The following FAHD1 variants were observed in gnomAD, a reference collection of about 807,000 sequenced individuals.
FAHD1 encodes FAH domain containing oxaloacetate decarboxylase 1.
A neutral mutation model predicts 12.7 loss-of-function variants in FAHD1; 14 were observed. That is an observed-to-expected ratio of 1.10 (90% CI 0.73 to 1.72). The LOEUF (loss-of-function observed/expected upper bound fraction) is 1.72. FAHD1 is among the 40% of genes most tolerant of loss of function. The probability of loss-of-function intolerance (pLI) is 0.00; values close to 1 mark genes in which losing one functional copy is unlikely to be tolerated. For missense variants in FAHD1, 351 were observed against 298.9 expected (o/e 1.17, Z -1.29); for synonymous variants, 153 against 124.9 (o/e 1.22, Z -1.50).
chr16:1,835,975 T>G (rs1898735149), intron 1 of FAHD1, among the ~76,000 whole-genome samples: 2 of 151,738 alleles, frequency 1.3e-5, no homozygotes, highest in African/African-American at 4.8e-5. Flanking sequence ...TTCTACTGCC[T>G]CAGCCTCCTG....
At chr16:1,828,465 A>G (rs1458141180) in exon 1 of FAHD1, 1 of 1,000,960 alleles carries the variant, frequency 1.0e-6, no homozygotes, top group Non-Finnish European at 1.2e-6. Flanking sequence ...TTCCTTTTGT[A>G]AAACTGGATT....
intron 1 of FAHD1, among the ~76,000 whole-genome samples, chr16:1,835,117 T>TG (rs1449523752): frequency 1.3e-5 from 2 of 151,994 alleles, no homozygotes; most frequent in African/African-American, 2.4e-5. Context: ...TAGCCAGGTG[T>TG]GGTGGTGCAC....
exon 3 of FAHD1, chr16:1,839,657 T>C: frequency 2.1e-6 from 1 of 470,506 alleles, no homozygotes; most frequent in Non-Finnish European, 3.8e-6. Context: ...ACACCAGTCC[T>C]CTGCCTGCCC....
At chr16:1,828,009 C>G (rs879758677) in exon 1 of FAHD1, 1 of 1,503,078 alleles carries the variant, frequency 6.7e-7, no homozygotes, top group Non-Finnish European at 8.9e-7. Flanking sequence ...TGGCCGGACG[C>G]GGTGGCTCAC....
chr16:1,836,767 C>T (rs549839073), intron 1 of FAHD1, among the ~76,000 whole-genome samples: 1 of 147,234 alleles, frequency 6.8e-6, no homozygotes, highest in African/African-American at 2.4e-5. Context: ...CATAATAACA[C>T]TAATTCTCTC....
intron 1 of FAHD1, chr16:1,834,246 A>G (rs1381762859): frequency 5.4e-6 from 8 of 1,488,528 alleles, no homozygotes; most frequent in Non-Finnish European, 7.5e-6. Flanking sequence ...GTTCAAAATG[A>G]TAGACCGTTT....
chr16:1,827,282 A>G (rs1466845241), exon 1 of FAHD1: 3 of 1,612,896 alleles, frequency 1.9e-6, no homozygotes, highest in East Asian at 4.5e-5. Context: ...GAGTGGGGAA[A>G]GAACATCGTC....
intron 2 of FAHD1, among the ~76,000 whole-genome samples, chr16:1,838,395 C>A (rs1596962601): frequency 6.6e-6 from 1 of 152,136 alleles, no homozygotes; most frequent in African/African-American, 2.4e-5. Flanking sequence ...AAAATCCCCT[C>A]AATAAAGTGG....
chr16:1,836,454 A>G (rs1484167664), intron 1 of FAHD1, among the ~76,000 whole-genome samples: 2 of 152,180 alleles, frequency 1.3e-5, no homozygotes, highest in African/African-American at 4.8e-5. Flanking sequence ...GAAAGTATAC[A>G]GGGTCGGTCA....
chr16:1,835,709 C>T (rs939379671), intron 1 of FAHD1, among the ~76,000 whole-genome samples: 2 of 152,126 alleles, frequency 1.3e-5, no homozygotes, highest in Non-Finnish European at 2.9e-5. Flanking sequence ...GACAGTGATT[C>T]GAATGACCCT....
chr16:1,837,196 CA>C (rs1436016001), intron 1 of FAHD1, among the ~76,000 whole-genome samples: 1 of 148,888 alleles, frequency 6.7e-6, no homozygotes, highest in African/African-American at 2.5e-5. Flanking sequence ...TGCAGGTTAG[CA>C]AATTTAATTA....
chr16:1,839,362 A>T (rs985183192), exon 3 of FAHD1: 15 of 1,614,234 alleles, frequency 9.3e-6, no homozygotes, highest in Non-Finnish European at 1.3e-5. Flanking sequence ...AGAAAGACAG[A>T]TTTAAAGTCC....
chr16:1,837,712 G>C lies in FAHD1; in HGVS notation c.628-304G>C. The C allele has an allele frequency of 7.6e-6, 6 of 788,334 alleles. No homozygotes were observed. The Admixed American group carries it at 1.9e-4, about 24-fold the overall frequency. 48.8% of individuals were successfully genotyped at this position (788,334 alleles called of 1,614,324 possible). A position where few individuals can be genotyped will look rare whatever the true frequency, so the allele number is the denominator to read the frequency against. Reference sequence around the variant, plus strand: ...AATAATAAATTCTCGAATTTATCTAGGTTTTTCTTATGGTTTGAATATACA... The same window carrying C: ...AATAATAAATTCTCGAATTTATCTACGTTTTTCTTATGGTTTGAATATACA... On this transcript the variant is annotated intron_variant, in intron 1 of 2. Coordinates refer to the FAHD1 transcript ENST00000382666.
chr16:1,834,332 T>C, intron 1 of FAHD1: 1 of 1,612,128 alleles, frequency 6.2e-7, no homozygotes, highest in African/African-American at 1.3e-5. Context: ...TACACTAATT[T>C]TCAATCCACT....
chr16:1,830,937 CACACACA>C (rs1567269164), downstream of FAHD1, among the ~76,000 whole-genome samples: 3 of 116,520 alleles, frequency 2.6e-5, no homozygotes, highest in African/African-American at 2.8e-5. Context: ...CACACACACA[CACACACA>C]CCCATATTTT....
exon 3 of FAHD1, chr16:1,839,540 G>C: frequency 1.8e-6 from 2 of 1,103,590 alleles, no homozygotes; most frequent in South Asian, 3.2e-5. Context: ...GACAGTGTGT[G>C]GAAAACTTAC....
At chr16:1,830,944 A>ACACACACACACACACCCACCCCACCCACC (rs57025691), downstream of FAHD1, among the ~76,000 whole-genome samples, 3 of 147,308 alleles carry the variant, frequency 2.0e-5, no homozygotes. Flanking sequence ...ACACACACAC[A>ACACACACACACACACCCACCCCACCCACC]CCCATATTTT....
chr16:1,828,218 T>C (rs1468080933), exon 1 of FAHD1: 2 of 940,446 alleles, frequency 2.1e-6, no homozygotes, highest in Non-Finnish European at 2.7e-6. Context: ...GAGGCGGAGC[T>C]TACAGTGAGC....
At chr16:1,829,641 T>A (rs193189460), downstream of FAHD1, among the ~76,000 whole-genome samples, 6 of 150,640 alleles carry the variant, frequency 4.0e-5, no homozygotes, top group Admixed American at 1.3e-4. Flanking sequence ...TATCATGCTA[T>A]CTTAACTACT....
Sources: allele counts gnomAD v4.1 joint callset (sites outside exome capture counted in the v4.1 genomes callset), GRCh38; gene constraint gnomAD v4.1.1; transcripts MANE v1.5; gene names NCBI Gene and HGNC (gene_info 2026-07-23, HGNC 2026-07-21).